FAM120A: variants seen among roughly 807,000 people sequenced by gnomAD.
FAM120A encodes the protein family with sequence similarity 120 member A, also known as constitutive coactivator of PPAR-gamma-like protein 1.
In FAM120A, 15 loss-of-function variants were observed where a neutral mutation model predicts 109.7. That is an observed-to-expected ratio of 0.14 (90% CI 0.09 to 0.21). The LOEUF is 0.21. Ranked by LOEUF, FAM120A falls within the 10% of genes least tolerant of loss-of-function variation. The pLI is 1.00. For missense variants in FAM120A, 899 were observed against 1,439.3 expected, an observed-to-expected ratio of 0.62 and a Z score of 6.07; for synonymous variants, 493 against 572.8, an observed-to-expected ratio of 0.86 and a Z score of 1.99.
At chr9:93,516,467 T>C (rs1414234638) in intron 7 of FAM120A, among the ~76,000 whole-genome samples, 198 bp downstream of exon 7, 1 of 152,156 alleles carries the variant, frequency 6.6e-6, no homozygotes, top group African/African-American at 2.4e-5. Flanking sequence ...GAAGTTTCCA[T>C]GATTTAAAAT....
chr9:93,453,609 A>G (rs1857396082), intron 1 of FAM120A: 1 of 985,330 alleles, frequency 1.0e-6, no homozygotes, highest in South Asian at 4.7e-5. Context: ...CCCACCCACG[A>G]TCCGGTTGCA....
At chr9:93,497,964 A>G (rs978158695) in intron 4 of FAM120A, among the ~76,000 whole-genome samples, 1 of 152,276 alleles carries the variant, frequency 6.6e-6, no homozygotes, top group African/African-American at 2.4e-5. Context: ...GTCATATGGC[A>G]TTATAAATCT....
At chr9:93,475,402 A>T (rs1398011217) in intron 2 of FAM120A, among the ~76,000 whole-genome samples, 2 of 152,208 alleles carry the variant, frequency 1.3e-5, no homozygotes, top group Non-Finnish European at 2.9e-5. Context: ...ACGTAGCAAT[A>T]TTCCAAATGG....
Position 93,516,120 on chromosome 9 carries a change from C to T in FAM120A, c.1269C>T (p.His423=), listed in dbSNP as rs757872161. The T allele has an allele frequency of 8.1e-6, 13 of 1,613,686 alleles. No individual in the cohort carries two copies. The highest frequency in any genetic ancestry group is 4.5e-5 in the East Asian group (2 of 44,860). Residue 423 remains histidine (H), a synonymous_variant, in exon 7 of 18, where the codon CAC becomes CAT. Coordinates refer to ENST00000277165, the MANE Select transcript of FAM120A (RefSeq NM_014612.5). ...AGAACAGCTACAGCAACATTCCTCACGAAGGGAAGCACACGCCGCTGTATG... is the reference window on the plus strand; with the variant it reads ...AGAACAGCTACAGCAACATTCCTCATGAAGGGAAGCACACGCCGCTGTATG... ...TEQNSYSNIP[H]EGKHTPLYER...
At chr9:93,538,281 C>T (rs150944021) in intron 10 of FAM120A, among the ~76,000 whole-genome samples, 1 of 152,218 alleles carries the variant, frequency 6.6e-6, no homozygotes, top group African/African-American at 2.4e-5. Context: ...TTGAGAATTA[C>T]AGAGGGTGCT....
chr9:93,475,307 T>C (rs1858502018), intron 2 of FAM120A, among the ~76,000 whole-genome samples: 1 of 152,252 alleles, frequency 6.6e-6, no homozygotes, highest in South Asian at 2.1e-4. Flanking sequence ...TTGCATCATG[T>C]TGATGTTGAA....
At chr9:93,493,828 G>A (rs1422023511) in intron 3 of FAM120A, among the ~76,000 whole-genome samples, 2 of 151,794 alleles carry the variant, frequency 1.3e-5, no homozygotes, top group Non-Finnish European at 2.9e-5. Flanking sequence ...ACTTGGCTTC[G>A]CAGTCAGCCA....
In FAM120A at chr9:93,504,753, T is replaced by C. The variant is rs146036751; in HGVS notation, c.1030+5867T>C. ...TGATGGATAGCGCACTTGTGAACAT[T>C]GTTTCATGTGACCTGATGTGCCCAG... On this transcript the variant is annotated intron_variant, in intron 5 of 17. Transcript: ENST00000277165. Among the ~76,000 whole-genome samples, 578 of 152,302 alleles carry C rather than the reference T, an allele frequency of 3.8e-3. 3 individuals carry two copies. The highest frequency in any genetic ancestry group is 0.013 in the African/African-American group (556 of 41,554).
At chr9:93,455,494 T>A (rs570513353) in intron 1 of FAM120A, among the ~76,000 whole-genome samples, 1 of 152,300 alleles carries the variant, frequency 6.6e-6, no homozygotes, top group East Asian at 1.9e-4. Flanking sequence ...ATATGATAAT[T>A]TTTTTAAGAT....
chr9:93,527,613 A>ATTTTT (rs1588884193), intron 8 of FAM120A, among the ~76,000 whole-genome samples: 1 of 84,652 alleles, frequency 1.2e-5, no homozygotes, highest in Non-Finnish European at 2.7e-5. Context: ...TTTTGTATTT[A>ATTTTT]ATTTTTTTTT....
intron 1 of FAM120A, among the ~76,000 whole-genome samples, chr9:93,462,291 A>T (rs1669753473): frequency 6.6e-6 from 1 of 152,080 alleles, no homozygotes; most frequent in South Asian, 2.1e-4. Flanking sequence ...AAGTATATAT[A>T]TTTTTTTGAG....
Position 93,452,268 on chromosome 9 carries a change from C to G in FAM120A, c.353C>G (p.Thr118Arg), listed in dbSNP as rs748792452. 1.9e-6 allele frequency: 3 copies of G among 1,612,292 alleles called. No individual in the cohort carries two copies. Among genetic ancestry groups the G allele is most frequent in the Non-Finnish European group, 2.5e-6 (3 of 1,179,742 alleles). The change falls in exon 1 of 18, where the codon ACG (threonine) becomes AGG (arginine). Residue 118 changes from threonine (T) to arginine (R), a missense_variant. Transcript: ENST00000277165. This position sits in a 1 kb window ranked among gnomAD's most constrained non-coding sequence, Gnocchi z 7.0. ...WVKRQGNERQ[T>R]AQQIVSHVQN... ...AAGCGGCAGGGCAACGAGCGCCAGA[C>G]GGCACAGCAGATCGTCAGCCATGTC...
intron 1 of FAM120A, among the ~76,000 whole-genome samples, chr9:93,469,808 C>T (rs547333564): frequency 1.3e-5 from 2 of 151,858 alleles, no homozygotes; most frequent in Non-Finnish European, 2.9e-5. Context: ...TCTTCTTTTA[C>T]GTATGCATCT....
intron 10 of FAM120A, among the ~76,000 whole-genome samples, chr9:93,533,453 T>C (rs1178557601): frequency 6.6e-6 from 1 of 152,234 alleles, no homozygotes; most frequent in Non-Finnish European, 1.5e-5. Context: ...ATGCTCGCTC[T>C]GCAGGGCTGT....
chr9:93,561,011 T>G (rs1397564815), intron 15 of FAM120A, 98 bp from the exon 16 acceptor site: 5 of 1,384,748 alleles, frequency 3.6e-6, no homozygotes, highest in East Asian at 2.3e-5. Flanking sequence ...ATAGTAAATA[T>G]AAACCAAAAC....
chr9:93,511,117 G>T (rs569688494), intron 5 of FAM120A, among the ~76,000 whole-genome samples: 1 of 151,906 alleles, frequency 6.6e-6, no homozygotes, highest in Non-Finnish European at 1.5e-5. Context: ...ATTTGCTTCC[G>T]TGGTTTAATT....
Position 93,532,416 on chromosome 9 carries a change from T to A in FAM120A, c.1909+87T>A, listed in dbSNP as rs1421027664. The A allele has an allele frequency of 6.7e-7, 1 of 1,487,458 alleles. No individual in the cohort carries two copies. Among genetic ancestry groups the A allele is most frequent in the East Asian group, 2.3e-5 (1 of 44,232 alleles). 92.1% of individuals were successfully genotyped at this position (1,487,458 alleles called of 1,614,324 possible). On this transcript the variant is annotated intron_variant, in intron 10 of 17. Transcript: ENST00000277165. The surrounding 1 kb of genome is among the most constrained non-coding windows in gnomAD (Gnocchi z 4.3). ...TCTAAAGCCTTAGAAGAATCATGACTGAGTTGACCCCGAGTGCCTCTGTGT... is the reference window on the plus strand; with the variant it reads ...TCTAAAGCCTTAGAAGAATCATGACAGAGTTGACCCCGAGTGCCTCTGTGT...
Position 93,556,239 on chromosome 9 carries a change from A to G in FAM120A, c.2275-143A>G, listed in dbSNP as rs530537926. On this transcript the variant is annotated intron_variant, in intron 12 of 17. Coordinates refer to ENST00000277165, the MANE Select transcript of FAM120A (RefSeq NM_014612.5). ...TTCAAATGAGGCCAGTGTTAGGTCAATATAAGGTAATGGTAGGACTACTTA... is the reference window on the plus strand; with the variant it reads ...TTCAAATGAGGCCAGTGTTAGGTCAGTATAAGGTAATGGTAGGACTACTTA... The G allele has an allele frequency of 7.7e-5, 49 of 637,100 alleles. 1 individual carries two copies. In the South Asian group the frequency reaches 8.9e-4, roughly 12 times the overall value. 39.5% of individuals were successfully genotyped at this position (637,100 alleles called of 1,614,324 possible). A position where few individuals can be genotyped will look rare whatever the true frequency, so the allele number is the denominator to read the frequency against.
chr9:93,538,068 C>A, intron 10 of FAM120A, among the ~76,000 whole-genome samples: 1 of 151,548 alleles, frequency 6.6e-6, no homozygotes, highest in Non-Finnish European at 1.5e-5. Flanking sequence ...TGTTACTTGC[C>A]AATCCTTGAG....
Sources: allele counts gnomAD v4.1 joint callset (sites outside exome capture counted in the v4.1 genomes callset), GRCh38; gene constraint gnomAD v4.1.1; non-coding constraint Gnocchi (gnomAD v3.1); transcripts MANE v1.5; gene names NCBI Gene and HGNC (gene_info 2026-07-23, HGNC 2026-07-21).